The following PTGFRN variants were observed in gnomAD, a reference collection of about 807,000 sequenced individuals.
PTGFRN encodes the protein prostaglandin F2 receptor negative regulator.
PTGFRN carries 35 observed loss-of-function variants against 83.2 expected under a neutral mutation model. The observed-to-expected ratio is 0.42, with a 90% confidence interval of 0.32 to 0.56. The LOEUF (loss-of-function observed/expected upper bound fraction) is 0.56, where lower values mean the gene tolerates loss of function less well. PTGFRN is among the 20% of genes least tolerant of loss of function. The probability of loss-of-function intolerance (pLI) is 0.11; values close to 1 mark genes in which losing one functional copy is unlikely to be tolerated. For missense variants in PTGFRN, 1,051 were observed against 1,179.5 expected, an observed-to-expected ratio of 0.89 and a Z score of 1.60; for synonymous variants, 519 against 498.6, an observed-to-expected ratio of 1.04 and a Z score of -0.55.
chr1:116,922,174 C>G (rs532535451), intron 1 of PTGFRN, among the ~76,000 whole-genome samples: 1 of 152,268 alleles, frequency 6.6e-6, no homozygotes, highest in South Asian at 2.1e-4. Context: ...GAGAGGTCCG[C>G]TGGAGCTTAC....
chr1:116,963,749 G>A (rs1167414880), intron 5 of PTGFRN, among the ~76,000 whole-genome samples: 1 of 151,744 alleles, frequency 6.6e-6, no homozygotes, highest in African/African-American at 2.4e-5. Context: ...TTGGGACTGC[G>A]GGTGCTCACC....
chr1:116,950,000 G>A (rs1306328939), intron 4 of PTGFRN, among the ~76,000 whole-genome samples: 2 of 151,828 alleles, frequency 1.3e-5, no homozygotes, highest in Non-Finnish European at 2.9e-5. Flanking sequence ...TTATTAGAAA[G>A]CATTTTTTTT....
At chr1:116,959,038 G>T (rs1163822947) in intron 4 of PTGFRN, among the ~76,000 whole-genome samples, 1 of 152,196 alleles carries the variant, frequency 6.6e-6, no homozygotes, top group Non-Finnish European at 1.5e-5. Context: ...GGACTTAGTT[G>T]TCCTGCTCTG....
chr1:116,949,014 TGTG>T (rs973067735), intron 3 of PTGFRN, among the ~76,000 whole-genome samples, 175 bp from the exon 4 acceptor site: 2 of 152,166 alleles, frequency 1.3e-5, no homozygotes, highest in African/African-American at 4.8e-5. Context: ...TAAGAAGAAA[TGTG>T]GTATGTTCTG....
chr1:116,956,672 G>A (rs1483651402), intron 4 of PTGFRN, among the ~76,000 whole-genome samples: 1 of 152,160 alleles, frequency 6.6e-6, no homozygotes, highest in Non-Finnish European at 1.5e-5. Context: ...GGCCTCGAAT[G>A]CCAGGCTGGG....
At chr1:116,938,189 G>A (rs1372709262) in intron 1 of PTGFRN, among the ~76,000 whole-genome samples, 1 of 152,192 alleles carries the variant, frequency 6.6e-6, no homozygotes, top group African/African-American at 2.4e-5. Flanking sequence ...TGAGTTGCCA[G>A]TGACAGAAAT....
At chr1:116,924,625 C>T (rs1433597242) in intron 1 of PTGFRN, among the ~76,000 whole-genome samples, 1 of 152,140 alleles carries the variant, frequency 6.6e-6, no homozygotes, top group East Asian at 1.9e-4. Context: ...GAGAACTGGT[C>T]CCTTGATTGA....
chr1:116,939,873 G>A (rs528204938), intron 1 of PTGFRN, among the ~76,000 whole-genome samples: 11 of 152,252 alleles, frequency 7.2e-5, no homozygotes, highest in Admixed American at 3.3e-4. Context: ...AAGTTCCACA[G>A]GTCTCTAGGG....
intron 1 of PTGFRN, among the ~76,000 whole-genome samples, chr1:116,927,598 A>G (rs567891096): frequency 1.4e-3 from 208 of 147,458 alleles, no homozygotes; most frequent in African/African-American, 5.2e-3. Context: ...CAGTGGTGCA[A>G]TCATGACTCA....
rs1314748006 is a variant in PTGFRN at position 116,945,103 on chromosome 1, A to G, written c.832+11A>G. On this transcript the variant is annotated intron_variant, in intron 3 of 8. Transcript: ENST00000393203. Reference sequence around the variant, plus strand: ...TGATCCAGCCATCAGGTGAGCTGGAAACGATGCGTTATAGGTGATGTTATT... The same window carrying G: ...TGATCCAGCCATCAGGTGAGCTGGAGACGATGCGTTATAGGTGATGTTATT... 4 of 1,607,384 alleles carry G rather than the reference A, an allele frequency of 2.5e-6. No individual in the cohort carries two copies. Among genetic ancestry groups the G allele is most frequent in the Admixed American group, 1.7e-5 (1 of 59,712 alleles).
Position 116,984,914 on chromosome 1 carries a change from C to CA in PTGFRN, c.2403dup (p.Pro802ThrfsTer59), listed in dbSNP as rs1651419637. On this transcript the variant is annotated frameshift_variant, in exon 8 of 9. Coordinates refer to ENST00000393203, the MANE Select transcript of PTGFRN (RefSeq NM_020440.4). LOFTEE classifies it high-confidence loss of function. ...TGTTCCGTGACTCCATGGGTGAAGT[C>CA]ACCAACAGGTTCCTGGCAGAAGGAG... 6.2e-7 allele frequency: 1 copy of CA among 1,614,066 alleles called. No individual in the cohort carries two copies. The highest frequency in any genetic ancestry group is 8.5e-7 in the Non-Finnish European group (1 of 1,180,032).
chr1:116,949,001 A>G (rs148252020), intron 3 of PTGFRN, among the ~76,000 whole-genome samples, 191 bp from the exon 4 acceptor site: 1 of 152,368 alleles, frequency 6.6e-6, no homozygotes, highest in African/African-American at 2.4e-5. Context: ...TGTTTTTATA[A>G]AATAAGAAGA....
intron 3 of PTGFRN, among the ~76,000 whole-genome samples, chr1:116,945,619 C>T (rs1016709245): frequency 6.6e-6 from 1 of 152,078 alleles, no homozygotes; most frequent in East Asian, 1.9e-4. Context: ...ATGTGCTTTT[C>T]CTGGAAGGGG....
intron 1 of PTGFRN, among the ~76,000 whole-genome samples, chr1:116,939,795 C>G (rs997166141): frequency 3.3e-5 from 5 of 152,364 alleles, no homozygotes; most frequent in Non-Finnish European, 7.3e-5. Flanking sequence ...ACCCAAGTCA[C>G]CTCTTGAATG....
rs536718323 is a variant in PTGFRN at position 116,976,788 on chromosome 1, A to G, written c.2167+2465A>G. 3.9e-5 allele frequency among the ~76,000 whole-genome samples: 6 copies of G among 152,360 alleles called. No individual in the cohort carries two copies. The South Asian group carries it at 8.3e-4, about 21-fold the overall frequency. On this transcript the variant is annotated intron_variant, in intron 7 of 8. Transcript: ENST00000393203. ...AAAAACATGCCAAATTGTAAAGACC[A>G]TTGATGCTAGGAAGAAACTATATCA... is the stretch of plus-strand genomic sequence containing the variant.
intron 7 of PTGFRN, among the ~76,000 whole-genome samples, chr1:116,978,035 G>A (rs1233379930): frequency 1.3e-5 from 2 of 152,162 alleles, no homozygotes; most frequent in Non-Finnish European, 2.9e-5. Context: ...AAATGATAAA[G>A]GGGATATCAC....
chr1:116,961,500 T>A lies in PTGFRN; in HGVS notation c.1471T>A (p.Ser491Thr). The change falls in exon 5 of 9, where the codon TCT (serine) becomes ACT (threonine). Residue 491 changes from serine (S) to threonine (T), a missense_variant. Transcript: ENST00000393203. This position sits in a 1 kb window ranked among gnomAD's most constrained non-coding sequence, Gnocchi z 5.4. ...GGCCCAGGATGGAGACTTTATTTTT[T>A]CTAAGGAACATACAGACACGTTCAA... ...QRAQDGDFIF[S>T]KEHTDTFNFR... is the part of the protein sequence containing the mutation. 1 of 1,614,110 alleles carries A rather than the reference T, an allele frequency of 6.2e-7. No homozygotes were observed.
At position 116,952,550 on chromosome 1, in the gene PTGFRN, A is replaced by G. The variant is rs781337505; in HGVS notation, c.1213+2978A>G. Among the ~76,000 whole-genome samples the G allele has an allele frequency of 1.3e-5, 2 of 152,004 alleles. No individual in the cohort carries two copies. The highest frequency in any genetic ancestry group is 2.9e-5 in the Non-Finnish European group (2 of 68,032). On this transcript the variant is annotated intron_variant, in intron 4 of 8. Transcript: ENST00000393203. This position sits in a 1 kb window ranked among gnomAD's most constrained non-coding sequence, Gnocchi z 4.0. The stretch of plus-strand genomic sequence containing the variant: ...AAAATCAAGATCAAAAGGGTAAAAG[A>G]AGAATAGATATTGCAAGGTGGTTGG...
intron 1 of PTGFRN, among the ~76,000 whole-genome samples, chr1:116,916,572 C>A (rs1473867107): frequency 2.6e-5 from 4 of 152,110 alleles, no homozygotes; most frequent in Non-Finnish European, 5.9e-5. Context: ...ATACTGATAC[C>A]CACAGGGCAG....
Sources: allele counts gnomAD v4.1 joint callset (sites outside exome capture counted in the v4.1 genomes callset), GRCh38; gene constraint gnomAD v4.1.1; non-coding constraint Gnocchi (gnomAD v3.1); transcripts MANE v1.5; gene names NCBI Gene and HGNC (gene_info 2026-07-23, HGNC 2026-07-21).